RBMS2: variants seen among roughly 807,000 people sequenced by gnomAD.
RBMS2 encodes the protein RNA binding motif single stranded interacting protein 2, also known as RNA-binding motif, single-stranded-interacting protein 2.
Under a neutral mutation model 58.4 loss-of-function variants are expected in RBMS2, and 38 were observed. The ratio of observed to expected loss-of-function variants is 0.65; its 90% CI spans 0.50 to 0.85. The LOEUF is 0.85. RBMS2 is among the 40% of genes least tolerant of loss of function. RBMS2 has a pLI of 0.00. For synonymous variants in RBMS2, 151 were observed against 180.7 expected, an observed-to-expected ratio of 0.84 and a Z score of 1.32; for missense variants, 367 against 503.7, an observed-to-expected ratio of 0.73 and a Z score of 2.60.
At chr12:56,565,369 G>GA (rs1881161992) in intron 2 of RBMS2, among the ~76,000 whole-genome samples, 1 of 150,112 alleles carries the variant, frequency 6.7e-6, no homozygotes, top group Non-Finnish European at 1.5e-5. Context: ...TATTTTTTTA[G>GA]TTTTTTTTCC....
At chr12:56,583,892 A>G (rs1015791795) in intron 9 of RBMS2, among the ~76,000 whole-genome samples, 1 of 152,200 alleles carries the variant, frequency 6.6e-6, no homozygotes, top group African/African-American at 2.4e-5. Context: ...TATCTTTGTT[A>G]CAAATTTTTT....
At chr12:56,582,825 C>T (rs376995139) in intron 9 of RBMS2, among the ~76,000 whole-genome samples, 12 of 152,158 alleles carry the variant, frequency 7.9e-5, no homozygotes, top group Non-Finnish European at 1.2e-4. Flanking sequence ...TGCGCCACCA[C>T]GCCCAGCTAA....
chr12:56,559,453 T>C (rs1351630522), intron 1 of RBMS2, among the ~76,000 whole-genome samples: 2 of 151,286 alleles, frequency 1.3e-5, no homozygotes, highest in Non-Finnish European at 2.9e-5. Context: ...CCCAAAGTGC[T>C]GGGATTACAG....
chr12:56,563,515 G>A (rs1034696468), intron 2 of RBMS2, among the ~76,000 whole-genome samples: 2 of 152,150 alleles, frequency 1.3e-5, no homozygotes, highest in Admixed American at 1.3e-4. Flanking sequence ...AAGACCCTTC[G>A]GAGTTCTTTT....
chr12:56,525,485 G>T (rs1050588248), intron 1 of RBMS2, among the ~76,000 whole-genome samples: 2 of 152,098 alleles, frequency 1.3e-5, no homozygotes. Flanking sequence ...GGTTCCCAAC[G>T]TGCTGGGATT....
At chr12:56,540,456 C>T (rs1282967056) in intron 1 of RBMS2, among the ~76,000 whole-genome samples, 4 of 152,118 alleles carry the variant, frequency 2.6e-5, no homozygotes, top group Non-Finnish European at 5.9e-5. Flanking sequence ...TCACTGCAGC[C>T]TCAAACACCT....
chr12:56,569,127 G>A, intron 3 of RBMS2, 94 bp downstream of exon 3: 3 of 1,146,416 alleles, frequency 2.6e-6, no homozygotes, highest in South Asian at 1.3e-5. Flanking sequence ...TGAGTCTACA[G>A]TGTCAGCGAG....
intron 5 of RBMS2, among the ~76,000 whole-genome samples, chr12:56,577,265 G>A (rs1158500876): frequency 1.3e-5 from 2 of 151,024 alleles, no homozygotes; most frequent in African/African-American, 2.4e-5. Context: ...TTAGCTGGGC[G>A]AGCGCCTGTA....
In RBMS2 at chr12:56,592,254, C is replaced by T. The variant is rs1322296821; in HGVS notation, c.*3121C>T. ...ATCTCACCCCCACTCATTACAGATG[C>T]TCATAACATTCTTAAAATATTTTAG... On this transcript the variant is annotated 3_prime_UTR_variant, in exon 14 of 14. Transcript: ENST00000262031. 6.6e-6 allele frequency: 1 copy of T among 152,196 alleles called. No homozygotes were observed. Among genetic ancestry groups the T allele is most frequent in the Non-Finnish European group, 1.5e-5 (1 of 68,066 alleles). 9.4% of individuals were successfully genotyped at this position (152,196 alleles called of 1,614,324 possible).
In RBMS2 at chr12:56,577,561, A is replaced by C. The variant is rs996009514; in HGVS notation, c.543-3623A>C. ...ACGATCCTGGCTCACTACAGCCTTG[A>C]CCTTCTGGGCTCAAGTGATCCTTAC... On this transcript the variant is annotated intron_variant, in intron 5 of 13. Coordinates refer to ENST00000262031, the MANE Select transcript of RBMS2 (RefSeq NM_002898.4). Among the ~76,000 whole-genome samples, 7 of 151,432 alleles carry C rather than the reference A, an allele frequency of 4.6e-5. No homozygotes were observed. The East Asian group carries it at 1.4e-3, about 29-fold the overall frequency.
chr12:56,549,896 G>A (rs1182790243), intron 1 of RBMS2, among the ~76,000 whole-genome samples: 1 of 152,010 alleles, frequency 6.6e-6, no homozygotes, highest in Non-Finnish European at 1.5e-5. Flanking sequence ...GCGTGGTGGT[G>A]GGCACTGTAA....
In RBMS2 at chr12:56,568,963, C is replaced by T; in HGVS notation, c.234-12C>T. 6.2e-7 allele frequency: 1 copy of T among 1,603,296 alleles called. No homozygotes were observed. Among genetic ancestry groups the T allele is most frequent in the Non-Finnish European group, 8.5e-7 (1 of 1,170,238 alleles). On this transcript the variant is annotated splice_polypyrimidine_tract_variant and intron_variant, in intron 2 of 13. Transcript: ENST00000262031. ...CCCCCAGATTATTACTTTGCATTTTCCTCTCCCTTAGATATGGCAAGATTG... is the reference window on the plus strand; with the variant it reads ...CCCCCAGATTATTACTTTGCATTTTTCTCTCCCTTAGATATGGCAAGATTG...
Position 56,562,669 on chromosome 12 carries a change from T to G in RBMS2, c.233+86T>G, listed in dbSNP as rs893861831. 5.0e-6 allele frequency: 7 copies of G among 1,413,114 alleles called. No homozygotes were observed. The African/African-American group carries it at 9.9e-5, about 20-fold the overall frequency. The allele number at this position is 1,413,114 out of a possible 1,614,324, so 87.5% of individuals were successfully genotyped here. On this transcript the variant is annotated intron_variant, in intron 2 of 13. Coordinates refer to ENST00000262031, the MANE Select transcript of RBMS2 (RefSeq NM_002898.4). The stretch of plus-strand genomic sequence containing the variant: ...GGTCTCGTTATGTTGTCCAGGCTAG[T>G]CTTGAACTCCTGGGCTCAAGTGATC...
rs560470780 is a variant in RBMS2 at position 56,539,634 on chromosome 12, A to G, written c.66+17545A>G. 48 of 444,608 alleles carry G rather than the reference A, an allele frequency of 1.1e-4. 1 individual carries two copies. Among genetic ancestry groups the G allele is most frequent in the South Asian group, 7.0e-4 (44 of 62,686 alleles). The allele number at this position is 444,608 out of a possible 1,614,324, so 27.5% of individuals were successfully genotyped here. A position where few individuals can be genotyped will look rare whatever the true frequency, so the allele number is the denominator to read the frequency against. ...CCTTGTTTTCTTAGTTTTATTTTAT[A>G]TAATAGACAGTATTTTTACATACCA... On this transcript the variant is annotated intron_variant, in intron 1 of 13. Coordinates refer to ENST00000262031, the MANE Select transcript of RBMS2 (RefSeq NM_002898.4).
At chr12:56,549,186 G>T (rs879741714) in intron 1 of RBMS2, among the ~76,000 whole-genome samples, 2 of 151,940 alleles carry the variant, frequency 1.3e-5, no homozygotes, top group Non-Finnish European at 2.9e-5. Context: ...GTAGAGACGG[G>T]GTTTCACCAT....
At position 56,588,213 on chromosome 12, in the gene RBMS2, G is replaced by A. The variant is rs1220913508; in HGVS notation, c.1063-81G>A. The A allele has an allele frequency of 1.1e-5, 12 of 1,109,738 alleles. No individual in the cohort carries two copies. In the East Asian group the frequency reaches 1.6e-4, roughly 15 times the overall value. 68.7% of individuals were successfully genotyped at this position (1,109,738 alleles called of 1,614,324 possible). On this transcript the variant is annotated intron_variant, in intron 11 of 13. Transcript: ENST00000262031. ...TCTCTGGGGTAGAATACAGGTGTCA[G>A]TATTTTTTTTAAAGCCCCTCAGCTG...
intron 1 of RBMS2, among the ~76,000 whole-genome samples, chr12:56,558,590 CT>C (rs10676323): frequency 8.7e-5 from 8 of 92,226 alleles, no homozygotes; most frequent in African/African-American, 1.2e-4. Context: ...TTTCTTTTTC[CT>C]TTTTTTTTTT....
At chr12:56,537,981 T>C (rs1011832074) in intron 1 of RBMS2, among the ~76,000 whole-genome samples, 1 of 152,066 alleles carries the variant, frequency 6.6e-6, no homozygotes, top group Non-Finnish European at 1.5e-5. Flanking sequence ...TTTGTAAATC[T>C]TCTTTGGAGA....
intron 1 of RBMS2, among the ~76,000 whole-genome samples, chr12:56,542,383 A>T (rs1432565640): frequency 7.5e-6 from 1 of 134,162 alleles, no homozygotes; most frequent in Non-Finnish European, 1.6e-5. Context: ...CTTTTTGATG[A>T]TTCAGGTAAA....
Sources: gnomAD v4.1 joint callset for allele counts (sites outside exome capture counted in the v4.1 genomes callset) on GRCh38, gnomAD v4.1.1 for gene constraint, MANE v1.5 for transcripts, NCBI Gene and HGNC (gene_info 2026-07-23, HGNC 2026-07-21) for gene names.